The following SYT1 variants were observed in gnomAD, a reference collection of about 807,000 sequenced individuals.
SYT1 encodes the protein synaptotagmin 1.
A neutral mutation model predicts 44.8 loss-of-function variants in SYT1; 8 were observed. The ratio of observed to expected loss-of-function variants is 0.18; its 90% CI spans 0.10 to 0.32. The LOEUF (loss-of-function observed/expected upper bound fraction) is 0.32, where lower values mean the gene tolerates loss of function less well. Among genes scored for constraint, SYT1 ranks in the 10% least tolerant of loss-of-function variants. The probability of loss-of-function intolerance (pLI) is 1.00; values close to 1 mark genes in which losing one functional copy is unlikely to be tolerated. For missense variants in SYT1, 286 were observed against 509.3 expected, an observed-to-expected ratio of 0.56 and a Z score of 4.22; for synonymous variants, 154 against 188.8, an observed-to-expected ratio of 0.82 and a Z score of 1.51.
intron 1 of SYT1, chr12:78,868,697 G>A (rs904193867): frequency 1.3e-5 from 2 of 151,760 alleles, no homozygotes; most frequent in African/African-American, 2.4e-5. Flanking sequence ...GGCTATTCAT[G>A]TACAAAGTAC....
chr12:79,335,382 C>T, intron 8 of SYT1, among the ~76,000 whole-genome samples: 1 of 146,144 alleles, frequency 6.8e-6, no homozygotes, highest in Non-Finnish European at 1.5e-5. Flanking sequence ...TGCTTGTGTT[C>T]TCTGATGCTT....
rs543971479 is a variant in SYT1 at position 79,369,319 on chromosome 12, A to G, written c.928+15700A>G. 5.7e-4 allele frequency among the ~76,000 whole-genome samples: 86 copies of G among 152,160 alleles called. 1 individual carries two copies. Among genetic ancestry groups the G allele is most frequent in the African/African-American group, 2.0e-3 (84 of 41,512 alleles). ...CAACATAGTGAAACCCTGTCTCTAC[A>G]AAAATTATTAGCCAGGCATGGTGGC... is the stretch of plus-strand genomic sequence containing the variant. On this transcript the variant is annotated intron_variant, in intron 9 of 10. Coordinates refer to ENST00000261205, the MANE Select transcript of SYT1 (RefSeq NM_005639.3).
At chr12:79,423,646 T>C (rs1027170039) in intron 9 of SYT1, among the ~76,000 whole-genome samples, 4 of 152,124 alleles carry the variant, frequency 2.6e-5, no homozygotes, top group African/African-American at 7.2e-5. Flanking sequence ...TCTAAGAAAT[T>C]GCTTAGTCTT....
intron 1 of SYT1, among the ~76,000 whole-genome samples, chr12:78,872,515 C>A (rs1172376923): frequency 1.3e-5 from 2 of 151,778 alleles, no homozygotes; most frequent in Non-Finnish European, 2.9e-5. Flanking sequence ...TTGTTCAGTT[C>A]TCTGGTTATA....
At chr12:78,879,210 TA>T (rs1364102937) in intron 1 of SYT1, among the ~76,000 whole-genome samples, 1 of 151,750 alleles carries the variant, frequency 6.6e-6, no homozygotes, top group African/African-American at 2.4e-5. Context: ...GCAATGGCTT[TA>T]TATAGGAGGT....
In SYT1 at chr12:79,338,149, G is replaced by A. The variant is rs1015043321; in HGVS notation, c.811-15353G>A. ...CTGGATTCCTACTTAGCCCTCTACC[G>A]AGAGCAGCACCCAAGCTATGGGGCT... is the stretch of plus-strand genomic sequence containing the variant. On this transcript the variant is annotated intron_variant, in intron 8 of 10. Coordinates refer to ENST00000261205, the MANE Select transcript of SYT1 (RefSeq NM_005639.3). 1.1e-4 allele frequency among the ~76,000 whole-genome samples: 17 copies of A among 151,998 alleles called. 1 individual carries two copies. The highest frequency in any genetic ancestry group is 2.1e-4 in the Non-Finnish European group (14 of 67,998).
chr12:79,094,336 T>C (rs1029845458), intron 3 of SYT1, among the ~76,000 whole-genome samples: 9 of 151,818 alleles, frequency 5.9e-5, no homozygotes, highest in Admixed American at 1.3e-4. Context: ...CCAAGTCACA[T>C]GAACTTGAAA....
intron 4 of SYT1, among the ~76,000 whole-genome samples, chr12:79,219,182 C>T (rs1441309202): frequency 2.0e-5 from 3 of 151,922 alleles, no homozygotes; most frequent in African/African-American, 4.8e-5. Context: ...CTAGTCAGGT[C>T]GTTTGCCCTT....
At chr12:79,231,294 C>T (rs576675727) in intron 4 of SYT1, among the ~76,000 whole-genome samples, 54 of 152,082 alleles carry the variant, frequency 3.6e-4, no homozygotes, top group Non-Finnish European at 5.4e-4. Context: ...TCTGAGTCCA[C>T]GTGTCTCCCC....
At chr12:79,443,679 T>A (rs1320160375) in intron 9 of SYT1, among the ~76,000 whole-genome samples, 12 of 152,234 alleles carry the variant, frequency 7.9e-5, no homozygotes, top group Non-Finnish European at 1.8e-4. Flanking sequence ...GCAAGCCCTT[T>A]GCCAGCTCAC....
chr12:79,298,824 A>G (rs1480889352), intron 7 of SYT1, among the ~76,000 whole-genome samples: 1 of 152,170 alleles, frequency 6.6e-6, no homozygotes, highest in Non-Finnish European at 1.5e-5. Context: ...GTTCTTGTCA[A>G]TCAGCAAATT....
At chr12:78,987,360 G>C (rs1164261401) in intron 2 of SYT1, among the ~76,000 whole-genome samples, 1 of 152,084 alleles carries the variant, frequency 6.6e-6, no homozygotes, top group African/African-American at 2.4e-5. Context: ...CTCTGAGGCT[G>C]ATGGGCTCAT....
chr12:78,891,014 A>T (rs1211181577), intron 1 of SYT1, among the ~76,000 whole-genome samples: 1 of 151,932 alleles, frequency 6.6e-6, no homozygotes, highest in East Asian at 1.9e-4. Flanking sequence ...TTCCTCATGT[A>T]TATGTGTATT....
At chr12:78,981,362 G>T (rs1434997078) in intron 2 of SYT1, among the ~76,000 whole-genome samples, 1 of 152,024 alleles carries the variant, frequency 6.6e-6, no homozygotes, top group Non-Finnish European at 1.5e-5. Context: ...CCTGACCTCA[G>T]GTGATCCACC....
rs149785696 is a variant in SYT1 at position 78,917,093 on chromosome 12, T to C, written c.-217+51984T>C. Among the ~76,000 whole-genome samples the C allele has an allele frequency of 2.2e-4, 33 of 151,830 alleles. 1 individual carries two copies. The highest frequency in any genetic ancestry group is 8.0e-4 in the African/African-American group (33 of 41,436). ...AGGCATGCACCACCATGCAGAGCTA[T>C]TTTTTTTATATTTTGTAGGAAATAA... On this transcript the variant is annotated intron_variant, in intron 1 of 10. Coordinates refer to ENST00000261205, the MANE Select transcript of SYT1 (RefSeq NM_005639.3).
At chr12:79,140,756 T>A (rs1198608110) in intron 3 of SYT1, among the ~76,000 whole-genome samples, 1 of 152,234 alleles carries the variant, frequency 6.6e-6, no homozygotes, top group Non-Finnish European at 1.5e-5. Context: ...TTATACTGCA[T>A]CCTGGTTGCA....
chr12:79,404,185 G>A (rs1885165135), intron 9 of SYT1, among the ~76,000 whole-genome samples: 1 of 152,076 alleles, frequency 6.6e-6, no homozygotes, highest in Non-Finnish European at 1.5e-5. Flanking sequence ...AAATACCAGA[G>A]CAGTCTAATT....
At chr12:79,028,398 C>T (rs574683868) in intron 2 of SYT1, among the ~76,000 whole-genome samples, 2 of 151,378 alleles carry the variant, frequency 1.3e-5, no homozygotes, top group African/African-American at 4.8e-5. Context: ...AAATTCAAAA[C>T]ACAGAAATAA....
intron 8 of SYT1, among the ~76,000 whole-genome samples, chr12:79,308,455 A>G (rs1880530079): frequency 6.6e-6 from 1 of 151,226 alleles, no homozygotes; most frequent in South Asian, 2.1e-4. Context: ...GCATGCGGTG[A>G]GCCGAGATCA....
Sources: gnomAD v4.1 joint callset for allele counts (sites outside exome capture counted in the v4.1 genomes callset) on GRCh38, gnomAD v4.1.1 for gene constraint, MANE v1.5 for transcripts, NCBI Gene and HGNC (gene_info 2026-07-23, HGNC 2026-07-21) for gene names.